TOM1: variants seen among roughly 807,000 people sequenced by gnomAD.
The protein encoded by TOM1 is target of Myb protein 1.
TOM1 carries 38 observed loss-of-function variants against 61.3 expected under a neutral mutation model. The observed-to-expected ratio is 0.62, with a 90% CI of 0.48 to 0.81. The LOEUF is 0.81. Among genes scored for constraint, TOM1 ranks in the 40% least tolerant of loss-of-function variants. The pLI, the probability that TOM1 is intolerant of heterozygous loss-of-function variation, is 0.00. For missense variants in TOM1, 591 were observed against 659.6 expected, an observed-to-expected ratio of 0.90 and a Z score of 1.14; for synonymous variants, 270 against 268.8, an observed-to-expected ratio of 1.00 and a Z score of -0.04.
chr22:35,299,862 CGG>C, upstream of TOM1: 1 of 1,536,988 alleles, frequency 6.5e-7, no homozygotes, highest in South Asian at 1.2e-5. Context: ...CGTCACGTGA[CGG>C]GTCGGTGGCG....
intron 2 of TOM1, 113 bp downstream of exon 2, chr22:35,318,074 C>A: frequency 4.2e-6 from 4 of 944,824 alleles, no homozygotes; most frequent in Non-Finnish European, 5.2e-6. Flanking sequence ...CCATAGCCAC[C>A]AAGTCTGACC....
chr22:35,342,906 CCA>C (rs778513783), intron 12 of TOM1, among the ~76,000 whole-genome samples: 33 of 146,560 alleles, frequency 2.3e-4, no homozygotes, highest in African/African-American at 5.3e-4. Flanking sequence ...TCTACACCCA[CCA>C]CACACACCTC....
chr22:35,316,174 G>T (rs1362478986), intron 1 of TOM1, among the ~76,000 whole-genome samples: 1 of 152,280 alleles, frequency 6.6e-6, no homozygotes, highest in African/African-American at 2.4e-5. Context: ...TGAGTACTTT[G>T]CATGTGACAC....
rs1405119996 is a variant in TOM1 at position 35,347,217 on chromosome 22, G to A, written c.*8G>A. The stretch of plus-strand genomic sequence containing the variant: ...ATGCTGTTTGCCTTATGAGTGTGGG[G>A]TCTGGCACCCTGCAGCCCAGGTCCC... On this transcript the variant is annotated 3_prime_UTR_variant, in exon 15 of 15. Transcript: ENST00000449058. 1.3e-6 allele frequency: 2 copies of A among 1,593,090 alleles called. No homozygotes were observed. The highest frequency in any genetic ancestry group is 1.7e-6 in the Non-Finnish European group (2 of 1,167,828).
chr22:35,325,099 G>C (rs1243132806), intron 6 of TOM1, among the ~76,000 whole-genome samples: 3 of 152,252 alleles, frequency 2.0e-5, no homozygotes, highest in East Asian at 1.9e-4. Flanking sequence ...CTGCTGGGGT[G>C]GGGGCAGAGG....
At chr22:35,322,442 T>C (rs1284312052) in intron 3 of TOM1, 1 of 226,010 alleles carries the variant, frequency 4.4e-6, no homozygotes, top group Non-Finnish European at 8.8e-6. Context: ...GAGAACAGTC[T>C]TGCCCACACC....
At position 35,347,503 on chromosome 22, in the gene TOM1, G is replaced by A; in HGVS notation, c.*294G>A. On this transcript the variant is annotated 3_prime_UTR_variant, in exon 15 of 15. Transcript: ENST00000449058. ...GGCCCCAGGACAGGCTGGCTGGCTG[G>A]CTGGCTGCTTGACCCAGTGTGACTC... 3.3e-6 allele frequency: 1 copy of A among 301,970 alleles called. No individual in the cohort carries two copies. The highest frequency in any genetic ancestry group is 6.1e-6 in the Non-Finnish European group (1 of 163,614). The allele number at this position is 301,970 out of a possible 1,614,324, so 18.7% of individuals were successfully genotyped here. A position where few individuals can be genotyped will look rare whatever the true frequency, so the allele number is the denominator to read the frequency against.
chr22:35,327,033 G>A lies in TOM1; in HGVS notation c.649-238G>A, dbSNP rs943275933. Among the ~76,000 whole-genome samples the A allele has an allele frequency of 4.6e-5, 7 of 152,306 alleles. No individual in the cohort carries two copies. In the East Asian group the frequency reaches 5.8e-4, roughly 13 times the overall value. ...CCAGCCACACGTGGTGGCTCATTCC[G>A]GTGTGGAGATGGTAACGGTTGGTAG... On this transcript the variant is annotated intron_variant, in intron 6 of 14. Coordinates refer to ENST00000449058, the MANE Select transcript of TOM1 (RefSeq NM_005488.3).
At chr22:35,300,324 C>T (rs180698298) in intron 1 of TOM1, among the ~76,000 whole-genome samples, 2 of 152,254 alleles carry the variant, frequency 1.3e-5, no homozygotes, top group African/African-American at 2.4e-5. Flanking sequence ...GTGGCTGGGC[C>T]ACTCTGCTGG....
At chr22:35,330,581 G>C in intron 8 of TOM1, 101 bp downstream of exon 8, 1 of 1,222,270 alleles carries the variant, frequency 8.2e-7, no homozygotes, top group East Asian at 2.6e-5. Context: ...GCCTTCTCTC[G>C]TCCTCCTCTC....
rs1928084324 is a variant in TOM1, at chr22:35,323,930, G to T, written c.648+16G>T. The T allele has an allele frequency of 6.5e-7, 1 of 1,534,230 alleles. No individual in the cohort carries two copies. Among genetic ancestry groups the T allele is most frequent in the Non-Finnish European group, 8.8e-7 (1 of 1,138,370 alleles). ...CCCGGAACAGGTAAACGAGCCTGGG[G>T]TCAGAACCGTCAGGTCCAGGCAGGT... is the stretch of plus-strand genomic sequence containing the variant. On this transcript the variant is annotated intron_variant, in intron 6 of 14. Coordinates refer to ENST00000449058, the MANE Select transcript of TOM1 (RefSeq NM_005488.3). The surrounding 1 kb of genome is among the most constrained non-coding windows in gnomAD (Gnocchi z 4.2).
chr22:35,301,642 G>T (rs1202992244), intron 1 of TOM1, among the ~76,000 whole-genome samples: 1 of 152,154 alleles, frequency 6.6e-6, no homozygotes. Context: ...CCTCACGAAA[G>T]CTTGTCGACC....
chr22:35,335,290 G>A (rs376101206), intron 11 of TOM1, among the ~76,000 whole-genome samples: 18 of 152,166 alleles, frequency 1.2e-4, no homozygotes, highest in African/African-American at 3.9e-4. Context: ...AGGTCATTCT[G>A]GTGTCTTTTG....
At chr22:35,342,807 A>G (rs985134135) in intron 12 of TOM1, among the ~76,000 whole-genome samples, 2 of 137,410 alleles carry the variant, frequency 1.5e-5, no homozygotes, top group African/African-American at 5.6e-5. Flanking sequence ...ACACACCTAC[A>G]CTCATACACC....
intron 1 of TOM1, among the ~76,000 whole-genome samples, chr22:35,302,696 T>G (rs1174970860): frequency 6.6e-6 from 1 of 152,164 alleles, no homozygotes; most frequent in East Asian, 1.9e-4. Flanking sequence ...CCCCTTCATT[T>G]TACACTGGCG....
chr22:35,304,534 A>G (rs1296410504), intron 1 of TOM1, among the ~76,000 whole-genome samples: 1 of 152,072 alleles, frequency 6.6e-6, no homozygotes, highest in African/African-American at 2.4e-5. Flanking sequence ...GCGGGAGTGC[A>G]GTGGCGCGAT....
At chr22:35,325,637 G>C (rs944945624) in intron 6 of TOM1, among the ~76,000 whole-genome samples, 17 of 152,126 alleles carry the variant, frequency 1.1e-4, no homozygotes, top group Admixed American at 2.0e-4. Context: ...ACAGCGAGCT[G>C]CACTTTTTTT....
chr22:35,342,961 ACACAC>A (rs1354991637), intron 12 of TOM1, among the ~76,000 whole-genome samples: 8 of 86,986 alleles, frequency 9.2e-5, no homozygotes, highest in Non-Finnish European at 1.3e-4. Context: ...ACACCCCTAC[ACACAC>A]CACACCTACA....
At chr22:35,299,657 T>A (rs1925525550), upstream of TOM1, 2 of 508,466 alleles carry the variant, frequency 3.9e-6, no homozygotes, top group Non-Finnish European at 7.0e-6. Flanking sequence ...GGGGCGTGGC[T>A]TAAAGAGGAC....
Sources: allele counts gnomAD v4.1 joint callset (sites outside exome capture counted in the v4.1 genomes callset), GRCh38; gene constraint gnomAD v4.1.1; non-coding constraint Gnocchi (gnomAD v3.1); transcripts MANE v1.5; gene names NCBI Gene and HGNC (gene_info 2026-07-23, HGNC 2026-07-21).